DNAH5: variants seen among roughly 807,000 people sequenced by gnomAD.
DNAH5 encodes the protein dynein axonemal heavy chain 5, also known as axonemal beta dynein heavy chain 5.
DNAH5 carries 372 observed loss-of-function variants against 518.2 expected under a neutral mutation model. The observed-to-expected ratio is 0.72, with a 90% CI of 0.66 to 0.78. The LOEUF (loss-of-function observed/expected upper bound fraction) is 0.78, where lower values mean the gene tolerates loss of function less well. DNAH5 is among the 30% of genes least tolerant of loss of function. The probability of loss-of-function intolerance (pLI) is 0.00; values close to 1 mark genes in which losing one functional copy is unlikely to be tolerated. For missense variants in DNAH5, 5,523 were observed against 5,687.0 expected (o/e 0.97, Z 0.93); for synonymous variants, 2,039 against 2,025.9 (o/e 1.01, Z -0.17).
Position 13,824,294 on chromosome 5 carries a change from GA to G in DNAH5, c.6483del (p.Leu2162PhefsTer27), listed in dbSNP as rs1180317009. ...CTTTTTGCTGCTCCCAAGGTCCGAA[GA>G]ACTGACAGAATGTTACGCAGGCCAA... ...YDFGLRNILS[V>X]LRTLGAAKRA... On this transcript the variant is annotated frameshift_variant, in exon 39 of 79. Coordinates refer to ENST00000265104, the MANE Select transcript of DNAH5 (RefSeq NM_001369.3). LOFTEE classifies it high-confidence loss of function. 2 of 1,614,022 alleles carry G rather than the reference GA, an allele frequency of 1.2e-6. No individual in the cohort carries two copies. The highest frequency in any genetic ancestry group is 1.7e-6 in the Non-Finnish European group (2 of 1,179,986).
chr5:13,710,866 T>C (rs193104968), intron 75 of DNAH5, among the ~76,000 whole-genome samples: 1 of 152,242 alleles, frequency 6.6e-6, no homozygotes, highest in African/African-American at 2.4e-5. Flanking sequence ...GAGATTGAAA[T>C]GGTAATTTAA....
intron 22 of DNAH5, among the ~76,000 whole-genome samples, chr5:13,872,433 A>G (rs1225391194): frequency 6.6e-6 from 1 of 152,174 alleles, no homozygotes; most frequent in Non-Finnish European, 1.5e-5. Context: ...CATCTTTTTC[A>G]AAAATTCCTT....
chr5:13,975,581 T>C (rs1269539833), intron 1 of DNAH5, among the ~76,000 whole-genome samples: 1 of 152,174 alleles, frequency 6.6e-6, no homozygotes, highest in Non-Finnish European at 1.5e-5. Context: ...TTACTTACCA[T>C]ATGGAATGAA....
chr5:13,914,422 A>G, intron 10 of DNAH5, 98 bp downstream of exon 10: 1 of 1,371,020 alleles, frequency 7.3e-7, no homozygotes, highest in South Asian at 1.3e-5. Flanking sequence ...TGTTCTTTTT[A>G]TCAACCAATG....
At chr5:13,921,501 A>T (rs1223945639) in intron 5 of DNAH5, among the ~76,000 whole-genome samples, 1 of 150,148 alleles carries the variant, frequency 6.7e-6, no homozygotes, top group African/African-American at 2.5e-5. Flanking sequence ...ACACACACAC[A>T]CACACACACA....
At chr5:13,701,257 G>A (rs368876786) in intron 77 of DNAH5, 27 bp downstream of exon 77, 47 of 1,613,654 alleles carry the variant, frequency 2.9e-5, no homozygotes, top group Middle Eastern at 1.6e-4. Flanking sequence ...TTATAATAAC[G>A]CAACGGGTGC....
intron 76 of DNAH5, among the ~76,000 whole-genome samples, chr5:13,706,188 G>T (rs2126442870): frequency 6.6e-6 from 1 of 152,344 alleles, no homozygotes; most frequent in African/African-American, 2.4e-5. Flanking sequence ...ACCAGTGAAA[G>T]CCGGTTTCAT....
Position 13,820,397 on chromosome 5 carries a change from T to C in DNAH5, c.6790A>G (p.Ser2264Gly), listed in dbSNP as rs746622526. ...VRHGMMTLGPSGAGKTTCIHT... is the reference protein window; with the variant it reads ...VRHGMMTLGPGGAGKTTCIHT... ...ATGCAGGTGGTCTTCCCAGCCCCAC[T>C]GGGCCCCAGAGTCATCATCCCATGT... is the stretch of plus-strand genomic sequence containing the variant. Residue 2264 changes from serine to glycine, a missense_variant, in exon 41 of 79, where the codon AGT becomes GGT. Ser to Gly is a moderately conservative substitution (Grantham distance 56). This residue lies in a region of DNAH5 where 5,121 missense variants were observed against 5,223.3 expected (regional missense o/e 0.98). Transcript: ENST00000265104. 5.0e-6 allele frequency: 8 copies of C among 1,611,350 alleles called. No homozygotes were observed. In the East Asian group the frequency reaches 1.6e-4, roughly 32 times the overall value.
chr5:13,901,797 A>C (rs1165654015), intron 13 of DNAH5, among the ~76,000 whole-genome samples: 1 of 152,172 alleles, frequency 6.6e-6, no homozygotes, highest in Admixed American at 6.5e-5. Context: ...TTATCTATAC[A>C]TTAGGAAATA....
chr5:13,759,409 T>C (rs971024345), intron 60 of DNAH5, among the ~76,000 whole-genome samples: 1 of 152,216 alleles, frequency 6.6e-6, no homozygotes, highest in Non-Finnish European at 1.5e-5. Context: ...TAAATGTATA[T>C]AGGTAAATTA....
chr5:13,895,711 C>G (rs1773834402), intron 15 of DNAH5, among the ~76,000 whole-genome samples: 1 of 152,050 alleles, frequency 6.6e-6, no homozygotes, highest in Admixed American at 6.6e-5. Context: ...CGTCTCCAGC[C>G]CAGATCTCAC....
intron 24 of DNAH5, among the ~76,000 whole-genome samples, chr5:13,869,772 TC>T (rs1187272853): frequency 1.3e-5 from 2 of 152,182 alleles, no homozygotes; most frequent in African/African-American, 4.8e-5. Flanking sequence ...TTCTAATTTT[TC>T]TACAATGCTA....
At chr5:13,828,932 C>T (rs1033173687) in intron 38 of DNAH5, among the ~76,000 whole-genome samples, 3 of 152,174 alleles carry the variant, frequency 2.0e-5, no homozygotes, top group East Asian at 3.8e-4. Context: ...AATAAATGTA[C>T]GTTGTTACAA....
chr5:13,978,778 G>A (rs1184209835), intron 1 of DNAH5, among the ~76,000 whole-genome samples: 1 of 152,162 alleles, frequency 6.6e-6, no homozygotes, highest in East Asian at 1.9e-4. Context: ...TACACTCTAT[G>A]ATGTTCACAT....
At chr5:13,712,989 T>C (rs1051896465) in intron 75 of DNAH5, among the ~76,000 whole-genome samples, 2 of 151,640 alleles carry the variant, frequency 1.3e-5, no homozygotes, top group Non-Finnish European at 2.9e-5. Context: ...AGAAAATAAG[T>C]CATTCTACAA....
At chr5:13,700,493 C>T in intron 78 of DNAH5, 147 bp downstream of exon 78, 1 of 769,902 alleles carries the variant, frequency 1.3e-6, no homozygotes, top group Non-Finnish European at 2.3e-6. Flanking sequence ...GTCAGTAAGT[C>T]CCCATTAAAC....
At chr5:13,970,307 G>A (rs1781783553) in intron 1 of DNAH5, among the ~76,000 whole-genome samples, 1 of 151,868 alleles carries the variant, frequency 6.6e-6, no homozygotes. Flanking sequence ...GAGAAGTGAG[G>A]TACTACTATT....
chr5:13,778,586 G>GAAA (rs1270828375), intron 53 of DNAH5, among the ~76,000 whole-genome samples: 1 of 78,188 alleles, frequency 1.3e-5, no homozygotes, highest in African/African-American at 4.6e-5. Context: ...AAGAAAGAAA[G>GAAA]AAAGAAAGAA....
rs201976158 is a variant in DNAH5 at position 13,989,009 on chromosome 5, A to G, written c.12+22639T>C. On this transcript the variant is annotated intron_variant, in intron 1 of 78. Coordinates refer to the DNAH5 transcript ENST00000681290. Reference sequence around the variant, plus strand: ...CCCAAAATGCTGGGATTACAGGTGTAAGCCACCGCACCTGGCCCAAAAAGT... The same window carrying G: ...CCCAAAATGCTGGGATTACAGGTGTGAGCCACCGCACCTGGCCCAAAAAGT... Among the ~76,000 whole-genome samples, 44 of 152,084 alleles carry G rather than the reference A, an allele frequency of 2.9e-4. No homozygotes were observed. In the East Asian group the frequency reaches 3.5e-3, roughly 12 times the overall value.
Sources: gnomAD v4.1 joint callset for allele counts (sites outside exome capture counted in the v4.1 genomes callset) on GRCh38, gnomAD v4.1.1 for gene constraint, gnomAD v4.1.1 regional missense constraint, MANE v1.5 for transcripts, NCBI Gene and HGNC (gene_info 2026-07-23, HGNC 2026-07-21) for gene names.